Variants in SDK1 observed in about 807,000 individuals in gnomAD.
SDK1 encodes sidekick cell adhesion molecule 1.
SDK1 carries 157 observed loss-of-function variants against 245.5 expected under a neutral mutation model. The ratio of observed to expected loss-of-function variants is 0.64; its 90% CI spans 0.56 to 0.73. The LOEUF (loss-of-function observed/expected upper bound fraction) is 0.73, where lower values mean the gene tolerates loss of function less well. SDK1 is among the 30% of genes least tolerant of loss of function. The pLI is 0.00. For synonymous variants in SDK1, 1,647 were observed against 1,278.5 expected (o/e 1.29, Z -6.15); for missense variants, 3,583 against 3,002.3 (o/e 1.19, Z -4.52).
intron 5 of SDK1, among the ~76,000 whole-genome samples, chr7:3,870,087 A>T (rs1454400081): frequency 6.6e-6 from 1 of 152,254 alleles, no homozygotes. Flanking sequence ...AATAAAAGGC[A>T]TTTAAAAATG....
At chr7:3,507,805 AC>A (rs796696105) in intron 1 of SDK1, among the ~76,000 whole-genome samples, 4 of 151,900 alleles carry the variant, frequency 2.6e-5, no homozygotes, top group African/African-American at 9.7e-5. Context: ...TTTGTCTTAA[AC>A]CGCCATATCT....
rs2128634816 is a variant in SDK1 at position 3,588,347 on chromosome 7, C to G, written c.299-30733C>G. 2.0e-5 allele frequency among the ~76,000 whole-genome samples: 3 copies of G among 152,260 alleles called. No homozygotes were observed. In the East Asian group the frequency reaches 5.8e-4, roughly 29 times the overall value. On this transcript the variant is annotated intron_variant, in intron 1 of 44. Coordinates refer to ENST00000404826, the MANE Select transcript of SDK1 (RefSeq NM_152744.4). ...ATTTATTAAGTTTGTTTACAACAGT[C>G]TTTTAGTTGTATACTAATGAGTAAA...
chr7:3,566,075 A>G (rs1779906479), intron 1 of SDK1, among the ~76,000 whole-genome samples: 1 of 152,186 alleles, frequency 6.6e-6, no homozygotes, highest in African/African-American at 2.4e-5. Flanking sequence ...TAGAATTTAA[A>G]ATGCTAATAA....
intron 1 of SDK1, among the ~76,000 whole-genome samples, chr7:3,547,534 G>C (rs537137361): frequency 1.3e-5 from 2 of 152,184 alleles, no homozygotes; most frequent in East Asian, 3.9e-4. Flanking sequence ...ATACTAACAG[G>C]CCAGTTACCA....
chr7:4,002,804 C>T (rs6462522), intron 14 of SDK1, among the ~76,000 whole-genome samples: 42,135 of 152,118 alleles, frequency 0.28, 6,138 homozygotes, highest in African/African-American at 0.35. Context: ...TGTGTAATTT[C>T]GGAGCTCTTG....
chr7:3,393,811 G>A (rs533189896), intron 1 of SDK1, among the ~76,000 whole-genome samples: 6 of 152,238 alleles, frequency 3.9e-5, no homozygotes, highest in Non-Finnish European at 7.4e-5. Flanking sequence ...GAAAGGTCAT[G>A]TATATCTGTT....
chr7:3,769,604 A>G (rs187602118), intron 4 of SDK1, among the ~76,000 whole-genome samples: 53 of 152,260 alleles, frequency 3.5e-4, no homozygotes, highest in Non-Finnish European at 6.3e-4. Flanking sequence ...TATTCAAGCC[A>G]TAGCGGTGAC....
rs375880739 is a variant in SDK1 at position 3,374,661 on chromosome 7, C to G, written c.298+72777C>G. Among the ~76,000 whole-genome samples, 147 of 152,156 alleles carry G rather than the reference C, an allele frequency of 9.7e-4. 1 individual carries two copies. The highest frequency in any genetic ancestry group is 3.3e-3 in the African/African-American group (139 of 41,514). On this transcript the variant is annotated intron_variant, in intron 1 of 44. Transcript: ENST00000404826. ...CCAGAACCTTTACATATTCTGTTCC[C>G]TCTGCCTAGACCAATTTCTAACCAT...
intron 1 of SDK1, among the ~76,000 whole-genome samples, chr7:3,387,226 C>G (rs536290633): frequency 2.6e-5 from 4 of 152,132 alleles, no homozygotes; most frequent in Admixed American, 2.0e-4. Flanking sequence ...TGAGGTTTTT[C>G]CTAGTTCTCC....
At chr7:3,563,963 TAAA>T (rs201581209) in intron 1 of SDK1, among the ~76,000 whole-genome samples, 1 of 152,036 alleles carries the variant, frequency 6.6e-6, no homozygotes, top group Non-Finnish European at 1.5e-5. Context: ...GCTATTGAAT[TAAA>T]AAAATAAAAT....
intron 4 of SDK1, among the ~76,000 whole-genome samples, chr7:3,690,752 C>G (rs1459208697): frequency 6.6e-6 from 1 of 152,180 alleles, no homozygotes; most frequent in Non-Finnish European, 1.5e-5. Flanking sequence ...GATTATAACT[C>G]TCTACTACAA....
At chr7:3,386,137 T>A (rs981844978) in intron 1 of SDK1, among the ~76,000 whole-genome samples, 1 of 152,088 alleles carries the variant, frequency 6.6e-6, no homozygotes, top group African/African-American at 2.4e-5. Flanking sequence ...TTGATAACTT[T>A]AAAAAAAATT....
Position 4,244,742 on chromosome 7 carries a change from T to C in SDK1, c.6252-934T>C, listed in dbSNP as rs545571593. Among the ~76,000 whole-genome samples, 8 of 151,614 alleles carry C rather than the reference T, an allele frequency of 5.3e-5. No homozygotes were observed. The South Asian group carries it at 8.4e-4, about 16-fold the overall frequency. ...ATGGGCTGTGTTCTCATCTGGAGGC[T>C]CAACTGGGCAAGAATCTTCTTCCAA... On this transcript the variant is annotated intron_variant, in intron 43 of 44. Transcript: ENST00000404826.
intron 36 of SDK1, 23 bp downstream of exon 36, chr7:4,206,017 C>T (rs1373809003): frequency 2.0e-6 from 3 of 1,465,864 alleles, no homozygotes; most frequent in Non-Finnish European, 2.8e-6. Context: ...CGTGCGGTTG[C>T]CTCCCCTGGC....
chr7:4,159,607 A>G (rs1352105057), intron 31 of SDK1, among the ~76,000 whole-genome samples: 1 of 152,178 alleles, frequency 6.6e-6, no homozygotes, highest in Admixed American at 6.5e-5. Flanking sequence ...AGTGAGAAAG[A>G]GAGGAGCCGT....
chr7:3,740,196 C>G (rs936076959), intron 4 of SDK1, among the ~76,000 whole-genome samples: 11 of 152,166 alleles, frequency 7.2e-5, no homozygotes, highest in African/African-American at 2.7e-4. Context: ...GTGACGTACA[C>G]TGTACGTCAA....
chr7:3,554,585 A>G (rs1779522825), intron 1 of SDK1, among the ~76,000 whole-genome samples: 2 of 152,234 alleles, frequency 1.3e-5, no homozygotes, highest in South Asian at 2.1e-4. Context: ...AATCATCTTC[A>G]TAAGAACCAA....
intron 1 of SDK1, among the ~76,000 whole-genome samples, chr7:3,330,221 G>C (rs1780034928): frequency 6.6e-6 from 1 of 152,168 alleles, no homozygotes. Flanking sequence ...AGGTGGAATT[G>C]CTGGGTCATA....
At chr7:3,665,012 C>A (rs749069454) in intron 4 of SDK1, among the ~76,000 whole-genome samples, 2 of 152,168 alleles carry the variant, frequency 1.3e-5, no homozygotes, top group Non-Finnish European at 2.9e-5. Context: ...GTAGGCTCTT[C>A]TGAATAACTC....
Sources: gnomAD v4.1 joint callset for allele counts (sites outside exome capture counted in the v4.1 genomes callset) on GRCh38, gnomAD v4.1.1 for gene constraint, MANE v1.5 for transcripts, NCBI Gene and HGNC (gene_info 2026-07-23, HGNC 2026-07-21) for gene names.